PRDM6: variants seen among roughly 807,000 people sequenced by gnomAD.
PRDM6 encodes the protein putative histone-lysine N-methyltransferase PRDM6.
PRDM6 carries 25 observed loss-of-function variants against 60.8 expected under a neutral mutation model. That is an observed-to-expected ratio of 0.41 (90% CI 0.30 to 0.57). The LOEUF is 0.57. Among genes scored for constraint, PRDM6 ranks in the 20% least tolerant of loss-of-function variants. The pLI, the probability that PRDM6 is intolerant of heterozygous loss-of-function variation, is 0.27. For synonymous variants in PRDM6, 407 were observed against 357.4 expected, an observed-to-expected ratio of 1.14 and a Z score of -1.57; for missense variants, 839 against 821.3, an observed-to-expected ratio of 1.02 and a Z score of -0.26.
intron 3 of PRDM6, among the ~76,000 whole-genome samples, chr5:123,134,507 A>T (rs1764907010): frequency 6.6e-6 from 1 of 152,154 alleles, no homozygotes; most frequent in Admixed American, 6.6e-5. Context: ...TTTGGATGTT[A>T]GATCCCCCCA....
intron 3 of PRDM6, among the ~76,000 whole-genome samples, chr5:123,118,918 A>G (rs1215049538): frequency 6.6e-6 from 1 of 152,186 alleles, no homozygotes; most frequent in Non-Finnish European, 1.5e-5. Flanking sequence ...GTTTTGAGAC[A>G]AATGAATGCA....
intron 3 of PRDM6, among the ~76,000 whole-genome samples, chr5:123,137,377 A>C (rs73296922): frequency 0.019 from 2,965 of 152,338 alleles, 90 homozygotes; most frequent in African/African-American, 0.067. Context: ...TGAGCAAGTC[A>C]GGAAGTCCTT....
At chr5:123,173,295 A>G (rs1162723590) in intron 6 of PRDM6, 2 of 162,250 alleles carry the variant, frequency 1.2e-5, no homozygotes, top group African/African-American at 2.4e-5. Flanking sequence ...AAAATACCTG[A>G]AAAACTAGAA....
At chr5:123,112,297 A>G (rs1764331774) in intron 3 of PRDM6, among the ~76,000 whole-genome samples, 1 of 152,176 alleles carries the variant, frequency 6.6e-6, no homozygotes. Flanking sequence ...ATCCAGCGAC[A>G]CTGGCCTTTC....
rs566751020 is a variant in PRDM6, at chr5:123,191,390, T to C, written c.*4189T>C. ...CTGAGTGTACCCAGCAGCCTGCGTT[T>C]AGGAGCAAATTCATTGCTCTCATAT... On this transcript the variant is annotated 3_prime_UTR_variant, in exon 8 of 8. Transcript: ENST00000407847. 6.6e-6 allele frequency: 1 copy of C among 152,186 alleles called. No homozygotes were observed. Among genetic ancestry groups the C allele is most frequent in the Admixed American group, 6.5e-5 (1 of 15,276 alleles). 9.4% of individuals were successfully genotyped at this position (152,186 alleles called of 1,614,324 possible). A position where few individuals can be genotyped will look rare whatever the true frequency, so the allele number is the denominator to read the frequency against.
intron 3 of PRDM6, among the ~76,000 whole-genome samples, chr5:123,148,185 T>C (rs1765290384): frequency 6.6e-6 from 1 of 152,236 alleles, no homozygotes; most frequent in South Asian, 2.1e-4. Context: ...AAACCTCTAA[T>C]GATTTTCTAA....
At chr5:123,100,516 A>G (rs1406664451) in intron 3 of PRDM6, among the ~76,000 whole-genome samples, 1 of 152,230 alleles carries the variant, frequency 6.6e-6, no homozygotes, top group Non-Finnish European at 1.5e-5. Flanking sequence ...ACAACTTTCA[A>G]AGGGCCCAAA....
intron 2 of PRDM6, among the ~76,000 whole-genome samples, chr5:123,096,537 A>G (rs1231109746): frequency 6.6e-6 from 1 of 152,184 alleles, no homozygotes; most frequent in Non-Finnish European, 1.5e-5. Flanking sequence ...GGAATATAAC[A>G]TGTATCTTGA....
intron 3 of PRDM6, among the ~76,000 whole-genome samples, chr5:123,153,570 C>T (rs1490428539): frequency 1.3e-5 from 2 of 152,138 alleles, no homozygotes; most frequent in East Asian, 3.8e-4. Context: ...AAACCTCATG[C>T]CATGTGCTAC....
At chr5:123,093,087 T>G (rs890609786) in intron 2 of PRDM6, among the ~76,000 whole-genome samples, 3 of 152,160 alleles carry the variant, frequency 2.0e-5, no homozygotes, top group African/African-American at 7.2e-5. Context: ...AGAGGGAAGC[T>G]CCTATTAATT....
At chr5:123,141,126 T>C (rs1257894050) in intron 3 of PRDM6, among the ~76,000 whole-genome samples, 1 of 152,014 alleles carries the variant, frequency 6.6e-6, no homozygotes, top group Non-Finnish European at 1.5e-5. Flanking sequence ...ATATCCCAAC[T>C]CAACATTATT....
chr5:123,143,562 G>A (rs1483122871), intron 3 of PRDM6, among the ~76,000 whole-genome samples: 1 of 152,090 alleles, frequency 6.6e-6, no homozygotes, highest in Non-Finnish European at 1.5e-5. Flanking sequence ...TAGATTTCCT[G>A]GGAACCAAAC....
intron 3 of PRDM6, among the ~76,000 whole-genome samples, chr5:123,142,367 C>T (rs1187041821): frequency 1.3e-5 from 2 of 152,052 alleles, no homozygotes; most frequent in Non-Finnish European, 2.9e-5. Flanking sequence ...TTAATACTGC[C>T]AGAGTAAGAA....
intron 5 of PRDM6, among the ~76,000 whole-genome samples, chr5:123,168,392 G>GAA (rs894474996): frequency 2.0e-5 from 3 of 150,316 alleles, no homozygotes; most frequent in African/African-American, 7.3e-5. Flanking sequence ...TGTATGGTCA[G>GAA]AAAAAAAAAA....
At chr5:123,186,589 A>G (rs1230865173) in intron 7 of PRDM6, among the ~76,000 whole-genome samples, 1 of 152,186 alleles carries the variant, frequency 6.6e-6, no homozygotes, top group Non-Finnish European at 1.5e-5. Context: ...ACTGCCCCTC[A>G]CAGTCACTGC....
At chr5:123,137,519 T>G (rs1311508553) in intron 3 of PRDM6, among the ~76,000 whole-genome samples, 3 of 152,114 alleles carry the variant, frequency 2.0e-5, no homozygotes, top group Non-Finnish European at 4.4e-5. Context: ...AAACCATCCT[T>G]CTGAGCAAAC....
intron 5 of PRDM6, among the ~76,000 whole-genome samples, chr5:123,160,731 A>G (rs978956303): frequency 6.6e-5 from 10 of 152,150 alleles, no homozygotes; most frequent in African/African-American, 2.2e-4. Context: ...TTCCTTTTCT[A>G]TTTTACCCTA....
At chr5:123,116,541 A>G (rs564453981) in intron 3 of PRDM6, among the ~76,000 whole-genome samples, 3 of 152,344 alleles carry the variant, frequency 2.0e-5, no homozygotes, top group African/African-American at 7.2e-5. Context: ...GAAAACCGTC[A>G]TATCTTTTAA....
In PRDM6 at chr5:123,190,446, A is replaced by T. The variant is rs758108811; in HGVS notation, c.*3245A>T. Reference sequence around the variant, plus strand: ...TTATCTTTAAAAATGACTTTTTTGGAGGAGATATACTTCTAAAAAGTTATT... The same window carrying T: ...TTATCTTTAAAAATGACTTTTTTGGTGGAGATATACTTCTAAAAAGTTATT... On this transcript the variant is annotated 3_prime_UTR_variant, in exon 8 of 8. Coordinates refer to ENST00000407847, the MANE Select transcript of PRDM6 (RefSeq NM_001136239.4). The T allele has an allele frequency of 2.6e-5, 4 of 152,116 alleles. No individual in the cohort carries two copies. The highest frequency in any genetic ancestry group is 5.9e-5 in the Non-Finnish European group (4 of 68,028). The allele number at this position is 152,116 out of a possible 1,614,324, so 9.4% of individuals were successfully genotyped here.
Sources: allele counts gnomAD v4.1 joint callset (sites outside exome capture counted in the v4.1 genomes callset), GRCh38; gene constraint gnomAD v4.1.1; transcripts MANE v1.5; gene names NCBI Gene and HGNC (gene_info 2026-07-23, HGNC 2026-07-21).